Variants in PLEKHG7 observed in about 807,000 individuals in gnomAD.
PLEKHG7 encodes pleckstrin homology and RhoGEF domain containing G7.
PLEKHG7 carries 77 observed loss-of-function variants against 85.2 expected under a neutral mutation model. The ratio of observed to expected loss-of-function variants is 0.90; its 90% CI spans 0.75 to 1.09. The LOEUF (loss-of-function observed/expected upper bound fraction) is 1.09, where lower values mean the gene tolerates loss of function less well. Among genes scored for constraint, PLEKHG7 ranks in the 50% least tolerant of loss-of-function variants. The probability of loss-of-function intolerance (pLI) is 0.00; values close to 1 mark genes in which losing one functional copy is unlikely to be tolerated. For synonymous variants in PLEKHG7, 301 were observed against 302.4 expected, an observed-to-expected ratio of 1.00 and a Z score of 0.05; for missense variants, 777 against 804.3, an observed-to-expected ratio of 0.97 and a Z score of 0.41.
intron 8 of PLEKHG7, among the ~76,000 whole-genome samples, chr12:92,741,242 G>A (rs150691472): frequency 2.7e-4 from 41 of 151,802 alleles, no homozygotes; most frequent in South Asian, 4.2e-4. Context: ...TCCTCTTCTC[G>A]CATACATTAT....
intron 4 of PLEKHG7, 64 bp downstream of exon 4, chr12:92,729,184 G>A: frequency 3.3e-6 from 4 of 1,228,146 alleles, no homozygotes; most frequent in Non-Finnish European, 4.1e-6. Context: ...CCATAACCAG[G>A]GGGAATTTTC....
intron 14 of PLEKHG7, among the ~76,000 whole-genome samples, chr12:92,762,685 C>T (rs1047386137): frequency 3.3e-5 from 5 of 152,144 alleles, no homozygotes; most frequent in East Asian, 3.9e-4. Context: ...GGAAGAGGAA[C>T]GCAATGTCTT....
intron 13 of PLEKHG7, 112 bp from the exon 14 acceptor site, chr12:92,761,640 A>G (rs933857200): frequency 1.5e-6 from 1 of 687,678 alleles, no homozygotes; most frequent in African/African-American, 3.3e-5. Context: ...GAAAGAAAGA[A>G]AGAAAGAAAG....
chr12:92,758,506 C>A (rs781169614), intron 13 of PLEKHG7, among the ~76,000 whole-genome samples: 3 of 152,206 alleles, frequency 2.0e-5, no homozygotes, highest in African/African-American at 7.2e-5. Context: ...GGAGCAGCTC[C>A]TGGTGGGTGA....
chr12:92,753,091 C>T (rs1565795316), intron 10 of PLEKHG7, among the ~76,000 whole-genome samples: 1 of 152,072 alleles, frequency 6.6e-6, no homozygotes, highest in Non-Finnish European at 1.5e-5. Context: ...CAGTTTTTGG[C>T]GTTAAAAGTA....
At chr12:92,750,136 AG>A (rs1363802079) in intron 10 of PLEKHG7, among the ~76,000 whole-genome samples, 1 of 151,426 alleles carries the variant, frequency 6.6e-6, no homozygotes, top group Non-Finnish European at 1.5e-5. Flanking sequence ...CTCAAGCGAC[AG>A]GACATATTTT....
intron 3 of PLEKHG7, chr12:92,721,349 G>T (rs907984737): frequency 5.0e-6 from 4 of 792,396 alleles, no homozygotes; most frequent in Admixed American, 4.3e-5. Context: ...GGTTGGGGGG[G>T]AATTCCCGGG....
chr12:92,712,535 C>A (rs1308059459), intron 3 of PLEKHG7, among the ~76,000 whole-genome samples: 1 of 152,202 alleles, frequency 6.6e-6, no homozygotes, highest in Non-Finnish European at 1.5e-5. Flanking sequence ...TCTGCACAGG[C>A]CAAATGGGAG....
chr12:92,761,051 G>A (rs2136628825), intron 13 of PLEKHG7, among the ~76,000 whole-genome samples: 1 of 152,260 alleles, frequency 6.6e-6, no homozygotes, highest in South Asian at 2.1e-4. Flanking sequence ...GGTATCCGGT[G>A]TCTCAAAGAA....
At chr12:92,741,073 C>T (rs979421416) in intron 8 of PLEKHG7, 125 bp downstream of exon 8, 1 of 610,944 alleles carries the variant, frequency 1.6e-6, no homozygotes. Flanking sequence ...GTCAGGACTT[C>T]AGGTTAATAA....
chr12:92,735,890 T>A (rs1387961000), intron 5 of PLEKHG7, among the ~76,000 whole-genome samples: 2 of 152,174 alleles, frequency 1.3e-5, no homozygotes, highest in South Asian at 4.1e-4. Flanking sequence ...AAACATATTA[T>A]CTTAGAAATC....
chr12:92,718,544 A>G (rs1464682683), intron 3 of PLEKHG7, among the ~76,000 whole-genome samples: 1 of 152,204 alleles, frequency 6.6e-6, no homozygotes, highest in Non-Finnish European at 1.5e-5. Context: ...AAGAAAAAGG[A>G]AATTGATTGG....
chr12:92,726,651 G>A (rs1871825879), intron 3 of PLEKHG7, among the ~76,000 whole-genome samples: 1 of 152,124 alleles, frequency 6.6e-6, no homozygotes, highest in South Asian at 2.1e-4. Flanking sequence ...AGAGATCACT[G>A]AGCAAATACC....
chr12:92,754,305 GC>G, intron 11 of PLEKHG7, 41 bp downstream of exon 11: 2 of 1,588,262 alleles, frequency 1.3e-6, no homozygotes, highest in Non-Finnish European at 1.7e-6. Flanking sequence ...CAGAATTGTG[GC>G]CTTGTGACTC....
chr12:92,738,386 C>T (rs1872244421), intron 7 of PLEKHG7, among the ~76,000 whole-genome samples: 2 of 152,184 alleles, frequency 1.3e-5, no homozygotes, highest in Admixed American at 6.5e-5. Context: ...CTTACACAGC[C>T]AAAAGGCACT....
chr12:92,723,798 A>G (rs1871713782), intron 3 of PLEKHG7, among the ~76,000 whole-genome samples: 1 of 152,146 alleles, frequency 6.6e-6, no homozygotes, highest in African/African-American at 2.4e-5. Flanking sequence ...GAAGCCATCC[A>G]AGAAGGGGTT....
chr12:92,717,583 C>T (rs4315121), intron 3 of PLEKHG7, among the ~76,000 whole-genome samples: 71,427 of 152,122 alleles, frequency 0.47, 17,878 homozygotes, highest in East Asian at 0.9. Context: ...CAATAGTGGT[C>T]CCGTAAGATT....
intron 3 of PLEKHG7, among the ~76,000 whole-genome samples, chr12:92,726,653 G>A (rs1871825942): frequency 6.6e-6 from 1 of 152,094 alleles, no homozygotes; most frequent in South Asian, 2.1e-4. Context: ...AGATCACTGA[G>A]CAAATACCTG....
chr12:92,707,962 T>C lies in PLEKHG7; in HGVS notation c.530+290T>C, dbSNP rs1871287865. On this transcript the variant is annotated intron_variant, in intron 3 of 16. Coordinates refer to ENST00000344636, the MANE Select transcript of PLEKHG7 (RefSeq NM_001377329.1). Reference sequence around the variant, plus strand: ...GGCTTAATTAACATCCACTTAGTAATAGGTTTTGTCTGGTAGAGAAAATAG... The same window carrying C: ...GGCTTAATTAACATCCACTTAGTAACAGGTTTTGTCTGGTAGAGAAAATAG... 9 of 468,466 alleles carry C rather than the reference T, an allele frequency of 1.9e-5. No individual in the cohort carries two copies. The Admixed American group carries it at 3.2e-4, about 17-fold the overall frequency. 29.0% of individuals were successfully genotyped at this position (468,466 alleles called of 1,614,324 possible). A position where few individuals can be genotyped will look rare whatever the true frequency, so the allele number is the denominator to read the frequency against.
Sources: gnomAD v4.1 joint callset for allele counts (sites outside exome capture counted in the v4.1 genomes callset) on GRCh38, gnomAD v4.1.1 for gene constraint, MANE v1.5 for transcripts, NCBI Gene and HGNC (gene_info 2026-07-23, HGNC 2026-07-21) for gene names.